AOPEP: variants seen among roughly 807,000 people sequenced by gnomAD.
The protein encoded by AOPEP is aminopeptidase O (putative).
A neutral mutation model predicts 98.1 loss-of-function variants in AOPEP; 77 were observed. The observed-to-expected ratio is 0.78, with a 90% CI of 0.65 to 0.95. The LOEUF is 0.95. Ranked by LOEUF, AOPEP falls within the 40% of genes least tolerant of loss-of-function variation. The pLI, the probability that AOPEP is intolerant of heterozygous loss-of-function variation, is 0.00. For missense variants in AOPEP, 1,024 were observed against 1,024.7 expected (o/e 1.00, Z 0.01); for synonymous variants, 346 against 365.3 (o/e 0.95, Z 0.60).
At chr9:95,041,640 G>A (rs2065324375) in intron 13 of AOPEP, among the ~76,000 whole-genome samples, 1 of 152,132 alleles carries the variant, frequency 6.6e-6, no homozygotes, top group South Asian at 2.1e-4. Context: ...CTTACCGGCT[G>A]TAATAATTAA....
chr9:95,132,238 G>A, the AOPEP span, among the ~76,000 whole-genome samples: 1 of 152,224 alleles, frequency 6.6e-6, no homozygotes, highest in African/African-American at 2.4e-5. Flanking sequence ...CAAGCACAGT[G>A]CCACCCTGAC....
chr9:94,818,004 A>G (rs1035558451), intron 5 of AOPEP, among the ~76,000 whole-genome samples: 5 of 152,178 alleles, frequency 3.3e-5, no homozygotes, highest in South Asian at 2.1e-4. Flanking sequence ...ACTGCACAGT[A>G]CAAGCTATAG....
At chr9:95,110,887 C>G in the AOPEP span, 1 of 1,255,924 alleles carries the variant, frequency 8.0e-7, no homozygotes, top group Non-Finnish European at 1.0e-6. Context: ...GTTATCCAGT[C>G]CCATACTTAG....
intron 13 of AOPEP, among the ~76,000 whole-genome samples, chr9:95,051,236 C>T (rs1436211529): frequency 4.0e-5 from 6 of 151,894 alleles, no homozygotes; most frequent in East Asian, 1.9e-4. Flanking sequence ...ACTACAGGTG[C>T]GCGCCACCAC....
intron 13 of AOPEP, chr9:95,048,794 G>C (rs2066080812): frequency 1.3e-5 from 2 of 152,230 alleles, no homozygotes; most frequent in Non-Finnish European, 2.9e-5. Context: ...CGTCGGAATT[G>C]TGATTTCGTG....
chr9:94,874,946 T>C (rs1410529557), intron 5 of AOPEP, among the ~76,000 whole-genome samples: 1 of 152,210 alleles, frequency 6.6e-6, no homozygotes, highest in African/African-American at 2.4e-5. Context: ...CAAACATGAA[T>C]GCATGCCTTT....
At chr9:94,927,943 G>A (rs1051813175) in intron 6 of AOPEP, among the ~76,000 whole-genome samples, 1 of 152,196 alleles carries the variant, frequency 6.6e-6, no homozygotes, top group Non-Finnish European at 1.5e-5. Context: ...AGTGAGTCCA[G>A]GCAGCACTTC....
At chr9:95,097,548 G>A in the AOPEP span, among the ~76,000 whole-genome samples, 1 of 152,236 alleles carries the variant, frequency 6.6e-6, no homozygotes, top group Non-Finnish European at 1.5e-5. Context: ...AGCATCTGAA[G>A]CAAGGCTGGG....
chr9:95,081,895 C>A (rs1000008846), intron 15 of AOPEP, among the ~76,000 whole-genome samples: 1 of 152,066 alleles, frequency 6.6e-6, no homozygotes, highest in Non-Finnish European at 1.5e-5. Context: ...AAGCATGGCA[C>A]AAGAGAGTAG....
the AOPEP span, among the ~76,000 whole-genome samples, chr9:95,133,963 G>A: frequency 1.3e-5 from 2 of 152,114 alleles, no homozygotes; most frequent in African/African-American, 2.4e-5. Context: ...TGACTCTTCC[G>A]GATGGTAAGG....
chr9:94,731,419 G>A (rs1176423062), intron 1 of AOPEP, among the ~76,000 whole-genome samples: 1 of 151,966 alleles, frequency 6.6e-6, no homozygotes, highest in Non-Finnish European at 1.5e-5. Flanking sequence ...GTAGAGATGG[G>A]GTTTCACTGC....
At chr9:94,928,661 A>G in intron 7 of AOPEP, 130 bp downstream of exon 7, 1 of 636,630 alleles carries the variant, frequency 1.6e-6, no homozygotes, top group Admixed American at 2.7e-5. Flanking sequence ...CTTGTCCCCC[A>G]GATGTGATGG....
At position 94,972,540 on chromosome 9, in the gene AOPEP, A is replaced by G. The variant is rs1042900682; in HGVS notation, c.1916+4739A>G. Among the ~76,000 whole-genome samples the G allele has an allele frequency of 6.6e-6, 1 of 151,888 alleles. No individual in the cohort carries two copies. The highest frequency in any genetic ancestry group is 1.5e-5 in the Non-Finnish European group (1 of 67,960). ...TGTGCATGTTCCTGTGTTTGTTTTA[A>G]TCTAATACTGTTCCTCCCCCACGGA... On this transcript the variant is annotated intron_variant, in intron 10 of 16. Transcript: ENST00000375315. This position sits in a 1 kb window ranked among gnomAD's most constrained non-coding sequence, Gnocchi z 4.2.
intron 1 of AOPEP, among the ~76,000 whole-genome samples, chr9:94,728,634 G>C (rs12339275): frequency 0.22 from 33,097 of 152,044 alleles, 5,074 homozygotes; most frequent in African/African-American, 0.43. Context: ...ATTCACATTT[G>C]TGAGGTGGAA....
At chr9:95,047,936 A>G (rs2065988740) in intron 13 of AOPEP, among the ~76,000 whole-genome samples, 1 of 152,190 alleles carries the variant, frequency 6.6e-6, no homozygotes, top group African/African-American at 2.4e-5. Context: ...CTGATTAAGA[A>G]TTGTATAAAT....
intron 5 of AOPEP, among the ~76,000 whole-genome samples, chr9:94,817,583 C>G (rs755914267): frequency 1.3e-5 from 2 of 152,182 alleles, no homozygotes; most frequent in Non-Finnish European, 2.9e-5. Flanking sequence ...AATGAGAAGG[C>G]TTTTGAGGTC....
chr9:95,095,355 G>T, the AOPEP span, among the ~76,000 whole-genome samples: 1 of 152,140 alleles, frequency 6.6e-6, no homozygotes, highest in Non-Finnish European at 1.5e-5. Flanking sequence ...ATGGTTGGGA[G>T]CACCTGGGCT....
intron 13 of AOPEP, among the ~76,000 whole-genome samples, chr9:95,030,829 G>A (rs1196083449): frequency 6.6e-6 from 1 of 152,096 alleles, no homozygotes; most frequent in Non-Finnish European, 1.5e-5. Context: ...GTTAACCGTG[G>A]GTCTATTTCT....
chr9:95,018,028 T>G (rs1389724023), intron 13 of AOPEP, among the ~76,000 whole-genome samples: 1 of 152,252 alleles, frequency 6.6e-6, no homozygotes, highest in African/African-American at 2.4e-5. Context: ...ATCCACTTAC[T>G]GGTTATGAGA....
Sources: gnomAD v4.1 joint callset for allele counts (sites outside exome capture counted in the v4.1 genomes callset) on GRCh38, gnomAD v4.1.1 for gene constraint, Gnocchi (gnomAD v3.1) non-coding constraint, MANE v1.5 for transcripts, NCBI Gene and HGNC (gene_info 2026-07-23, HGNC 2026-07-21) for gene names.